DNAH8: variants seen among roughly 807,000 people sequenced by gnomAD.
DNAH8 encodes dynein axonemal heavy chain 8, also known as axonemal beta dynein heavy chain 8.
Under a neutral mutation model 562.1 loss-of-function variants are expected in DNAH8, and 382 were observed. The ratio of observed to expected loss-of-function variants is 0.68; its 90% CI spans 0.63 to 0.74. The LOEUF is 0.74. DNAH8 is among the 30% of genes least tolerant of loss of function. The probability of loss-of-function intolerance (pLI) is 0.00; values close to 1 mark genes in which losing one functional copy is unlikely to be tolerated. For missense variants in DNAH8, 5,203 were observed against 5,620.4 expected, an observed-to-expected ratio of 0.93 and a Z score of 2.37; for synonymous variants, 1,881 against 1,919.4, an observed-to-expected ratio of 0.98 and a Z score of 0.52.
chr6:38,836,480 C>A (rs576831266), intron 32 of DNAH8, among the ~76,000 whole-genome samples: 4 of 148,400 alleles, frequency 2.7e-5, no homozygotes, highest in South Asian at 2.1e-4. Flanking sequence ...AACAAAAAAA[C>A]CCAACAAAAC....
chr6:38,946,118 C>T (rs2150617756), intron 80 of DNAH8, among the ~76,000 whole-genome samples: 1 of 152,004 alleles, frequency 6.6e-6, no homozygotes, highest in East Asian at 1.9e-4. Context: ...TACTGGAAAA[C>T]AATCATGAGA....
At chr6:38,738,555 C>A (rs547800961) in intron 7 of DNAH8, among the ~76,000 whole-genome samples, 5 of 152,236 alleles carry the variant, frequency 3.3e-5, no homozygotes, top group African/African-American at 1.2e-4. Flanking sequence ...TACATAATTG[C>A]CCTAAACAGA....
At chr6:38,972,326 C>T (rs1164013517) in intron 83 of DNAH8, among the ~76,000 whole-genome samples, 2 of 152,104 alleles carry the variant, frequency 1.3e-5, no homozygotes, top group Non-Finnish European at 2.9e-5. Context: ...TGCAGCTTTT[C>T]CCTGGGAATT....
Position 38,945,559 on chromosome 6 carries a change from C to G in DNAH8, c.12100C>G (p.Leu4034Val), listed in dbSNP as rs146505940. The change falls in exon 80 of 93, where the codon CTT becomes GTT. Residue 4034 changes from leucine to valine, a missense_variant. Physicochemically the swap from Leu to Val is conservative, Grantham distance 32. Around this residue, in one of 6 missense-constraint regions of DNAH8, gnomAD observed 1,399 missense variants for 1,518.4 expected, o/e 0.92. Transcript: ENST00000327475. Reference sequence around the variant, plus strand: ...GCTGAATCTTGTGGAGCTGAGTAAACTTCCACAATTTGCAGAAATTATGAA... The same window carrying G: ...GCTGAATCTTGTGGAGCTGAGTAAAGTTCCACAATTTGCAGAAATTATGAA... Reference protein sequence around the residue: ...TWLNLVELSKLPQFAEIMNQI... With the variant: ...TWLNLVELSKVPQFAEIMNQI... 1 of 1,614,138 alleles carries G rather than the reference C, an allele frequency of 6.2e-7. No individual in the cohort carries two copies. Among genetic ancestry groups the G allele is most frequent in the Non-Finnish European group, 8.5e-7 (1 of 1,180,006 alleles).
Position 39,003,701 on chromosome 6 carries a change from C to T in DNAH8, c.13215-5113C>T, listed in dbSNP as rs151007013. On this transcript the variant is annotated intron_variant, in intron 88 of 92. Transcript: ENST00000327475. ...ATCAATGAATATACAGCTACATCAG[C>T]ATTTTTATTGGCTATATAGATTTTT... 2.2e-4 allele frequency among the ~76,000 whole-genome samples: 33 copies of T among 152,192 alleles called. 1 individual carries two copies. In the East Asian group the frequency reaches 5.6e-3, roughly 26 times the overall value.
chr6:38,979,326 C>T (rs1464158333), intron 85 of DNAH8, among the ~76,000 whole-genome samples: 1 of 152,194 alleles, frequency 6.6e-6, no homozygotes, highest in Non-Finnish European at 1.5e-5. Context: ...CTTGAAAATG[C>T]ATCCTTTTTG....
chr6:38,832,122 CT>C (rs1334695545), intron 30 of DNAH8, among the ~76,000 whole-genome samples, 199 bp from the exon 31 acceptor site: 2 of 152,152 alleles, frequency 1.3e-5, no homozygotes, highest in African/African-American at 4.8e-5. Context: ...GAGAAATTGG[CT>C]TTGCCTCTTG....
chr6:38,857,858 C>CT, intron 42 of DNAH8, 116 bp downstream of exon 42: 1 of 657,072 alleles, frequency 1.5e-6, no homozygotes, highest in East Asian at 2.7e-5. Context: ...TCATAACTGT[C>CT]CATCAATATC....
At chr6:38,914,392 C>CTTTTT (rs66765653) in intron 67 of DNAH8, among the ~76,000 whole-genome samples, 10 of 63,992 alleles carry the variant, frequency 1.6e-4, no homozygotes, top group Admixed American at 2.3e-4. Flanking sequence ...TGCTTTTTCT[C>CTTTTT]TTTTTTTTTT....
intron 16 of DNAH8, 123 bp downstream of exon 16, chr6:38,781,496 A>G: frequency 4.2e-6 from 5 of 1,193,150 alleles, no homozygotes; most frequent in Non-Finnish European, 5.8e-6. Flanking sequence ...TTTACCAGGC[A>G]AGGAAAATTT....
chr6:38,738,952 G>A (rs749653760), intron 7 of DNAH8, among the ~76,000 whole-genome samples: 9 of 152,100 alleles, frequency 5.9e-5, no homozygotes, highest in Non-Finnish European at 1.0e-4. Context: ...TTGCCAATAT[G>A]TTGAGTGTGA....
In DNAH8 at chr6:38,886,701, T is replaced by C. The variant is rs114115273; in HGVS notation, c.8260-90T>C. On this transcript the variant is annotated intron_variant, in intron 56 of 92. Transcript: ENST00000327475. Reference sequence around the variant, plus strand: ...ACTTCATTGATAAGAGTTTAATGTTTTCTTCTAATCTCATTTGTACTATTT... The same window carrying C: ...ACTTCATTGATAAGAGTTTAATGTTCTCTTCTAATCTCATTTGTACTATTT... 339 of 1,039,534 alleles carry C rather than the reference T, an allele frequency of 3.3e-4. 1 individual carries two copies. In the African/African-American group the frequency reaches 4.6e-3, roughly 14 times the overall value. 64.4% of individuals were successfully genotyped at this position (1,039,534 alleles called of 1,614,324 possible). A position where few individuals can be genotyped will look rare whatever the true frequency, so the allele number is the denominator to read the frequency against.
At chr6:38,927,561 G>T (rs1296228998) in intron 74 of DNAH8, among the ~76,000 whole-genome samples, 1 of 152,152 alleles carries the variant, frequency 6.6e-6, no homozygotes, top group Non-Finnish European at 1.5e-5. Context: ...GTGCACAAAT[G>T]TGGTATACCA....
intron 58 of DNAH8, among the ~76,000 whole-genome samples, chr6:38,891,293 G>A (rs1779323613): frequency 1.3e-5 from 2 of 152,206 alleles, no homozygotes; most frequent in Non-Finnish European, 2.9e-5. Context: ...CAGCAAACCT[G>A]CAGCTGTCCC....
At chr6:38,947,068 G>T (rs1319478598) in intron 80 of DNAH8, among the ~76,000 whole-genome samples, 2 of 152,198 alleles carry the variant, frequency 1.3e-5, no homozygotes, top group African/African-American at 4.8e-5. Context: ...CAGAGTTATT[G>T]ACCCTAATTT....
chr6:38,813,649 C>T lies in DNAH8; in HGVS notation c.3258-405C>T, dbSNP rs146794613. Among the ~76,000 whole-genome samples the T allele has an allele frequency of 3.0e-3, 456 of 152,114 alleles. 4 individuals are homozygous for T. Among genetic ancestry groups the T allele is most frequent in the African/African-American group, 0.01 (424 of 41,480 alleles). The stretch of plus-strand genomic sequence containing the variant: ...GTGCATGAGTGATATTGTTTAACAA[C>T]GCGGTTTTTGGAAAGCATGGACCAG... On this transcript the variant is annotated intron_variant, in intron 24 of 92. Transcript: ENST00000327475.
At chr6:38,902,552 C>T (rs1780147964) in intron 62 of DNAH8, among the ~76,000 whole-genome samples, 1 of 152,190 alleles carries the variant, frequency 6.6e-6, no homozygotes, top group Non-Finnish European at 1.5e-5. Flanking sequence ...CTTTTGCCTC[C>T]TGATTGACTC....
At chr6:38,770,361 C>G (rs1767443219) in intron 11 of DNAH8, 52 bp from the exon 12 acceptor site, 1 of 1,278,226 alleles carries the variant, frequency 7.8e-7, no homozygotes, top group Non-Finnish European at 1.1e-6. Context: ...ATTTTCGATT[C>G]CTGAACAAAT....
chr6:38,834,947 A>C (rs1046774333), intron 32 of DNAH8, among the ~76,000 whole-genome samples: 2 of 152,238 alleles, frequency 1.3e-5, no homozygotes, highest in African/African-American at 4.8e-5. Context: ...AGTAAAATTT[A>C]TCAAAATAAT....
Sources: gnomAD v4.1 joint callset for allele counts (sites outside exome capture counted in the v4.1 genomes callset) on GRCh38, gnomAD v4.1.1 for gene constraint, gnomAD v4.1.1 regional missense constraint, MANE v1.5 for transcripts, NCBI Gene and HGNC (gene_info 2026-07-23, HGNC 2026-07-21) for gene names.